RASA3: variants seen among roughly 807,000 people sequenced by gnomAD.
The protein encoded by RASA3 is RAS p21 protein activator 3, also known as ras GTPase-activating protein 3.
RASA3 carries 73 observed loss-of-function variants against 110.0 expected under a neutral mutation model. The observed-to-expected ratio is 0.66, with a 90% CI of 0.55 to 0.81. RASA3 has a LOEUF of 0.81. Among genes scored for constraint, RASA3 ranks in the 30% least tolerant of loss-of-function variants. The probability of loss-of-function intolerance (pLI) is 0.00; values close to 1 mark genes in which losing one functional copy is unlikely to be tolerated. For missense variants in RASA3, 976 were observed against 1,113.2 expected (o/e 0.88, Z 1.75); for synonymous variants, 500 against 451.4 (o/e 1.11, Z -1.37).
intron 3 of RASA3, among the ~76,000 whole-genome samples, chr13:114,043,198 C>CT (rs2054452659): frequency 6.6e-6 from 1 of 152,166 alleles, no homozygotes; most frequent in South Asian, 2.1e-4. Context: ...AGCGCAAGGT[C>CT]GGCCACATGA....
chr13:114,082,854 G>T (rs1455197132), intron 1 of RASA3, among the ~76,000 whole-genome samples: 1 of 152,212 alleles, frequency 6.6e-6, no homozygotes, highest in South Asian at 2.1e-4. Flanking sequence ...TAGTGTAAAA[G>T]ATGTGTAGCA....
At chr13:113,988,790 C>T (rs1266827679) in intron 22 of RASA3, among the ~76,000 whole-genome samples, 2 of 129,748 alleles carry the variant, frequency 1.5e-5, no homozygotes, top group African/African-American at 3.0e-5. Context: ...CACCCATCTG[C>T]CCATCCACCC....
chr13:114,004,887 G>A (rs1475032475), intron 18 of RASA3, among the ~76,000 whole-genome samples: 3 of 152,148 alleles, frequency 2.0e-5, no homozygotes, highest in Non-Finnish European at 2.9e-5. Flanking sequence ...ACCAACGGAC[G>A]ACTGGATAAA....
chr13:114,005,351 T>C (rs1356928251), intron 18 of RASA3, among the ~76,000 whole-genome samples: 2 of 150,950 alleles, frequency 1.3e-5, no homozygotes, highest in African/African-American at 4.9e-5. Context: ...CGGGCAGACG[T>C]GTCAGTTATG....
chr13:114,089,641 C>A (rs993030822), intron 1 of RASA3, among the ~76,000 whole-genome samples: 11 of 152,218 alleles, frequency 7.2e-5, no homozygotes, highest in Non-Finnish European at 1.3e-4. Context: ...GCACGGCCGC[C>A]CCACAGCCTG....
At chr13:113,998,898 G>T (rs1031900474) in intron 20 of RASA3, among the ~76,000 whole-genome samples, 1 of 152,272 alleles carries the variant, frequency 6.6e-6, no homozygotes, top group Non-Finnish European at 1.5e-5. Flanking sequence ...GGACTGGACA[G>T]CGGCAAACTC....
rs2052854437 is a variant in RASA3, at chr13:113,979,401, CTT to C, written c.2449_2450del (p.Lys817GlufsTer93). ...YGSQEHPIGD[K>X]SFQNYIRQQS... ...GCTGCCGGATGTAGTTCTGGAAGCTCTTGTCTCCGATGGGGTGCTCCCTGAAA... is the reference window on the plus strand; with the variant it reads ...GCTGCCGGATGTAGTTCTGGAAGCTCGTCTCCGATGGGGTGCTCCCTGAAA... On this transcript the variant is annotated frameshift_variant, in exon 24 of 24. Transcript: ENST00000334062. LOFTEE classifies it high-confidence loss of function. The C allele has an allele frequency of 6.2e-7, 1 of 1,604,862 alleles. No individual in the cohort carries two copies. The highest frequency in any genetic ancestry group is 8.5e-7 in the Non-Finnish European group (1 of 1,171,890).
In RASA3 at chr13:114,125,584, C is replaced by T. The variant is rs147368317; in HGVS notation, c.55+6851G>A. ...TCCCACCAGGCCCCACTTCCAACGA[C>T]GGGGTGACAGTTCGACAGGAGATTG... On this transcript the variant is annotated intron_variant, in intron 1 of 23. Transcript: ENST00000334062. Among the ~76,000 whole-genome samples, 961 of 152,280 alleles carry T rather than the reference C, an allele frequency of 6.3e-3. 8 individuals are homozygous for T. The highest frequency in any genetic ancestry group is 9.8e-3 in the Non-Finnish European group (666 of 68,012).
In RASA3 at chr13:114,067,124, G is replaced by A. The variant is rs548581023; in HGVS notation, c.173+6596C>T. Among the ~76,000 whole-genome samples, 4 of 150,882 alleles carry A rather than the reference G, an allele frequency of 2.7e-5. No individual in the cohort carries two copies. In the South Asian group the frequency reaches 8.4e-4, roughly 32 times the overall value. On this transcript the variant is annotated intron_variant, in intron 2 of 23. Transcript: ENST00000334062. Reference sequence around the variant, plus strand: ...CCCCCAGCTGGGGCACTCTGGGGCTGAGGACGGGCCCCCCACCTGGGGCAC... The same window carrying A: ...CCCCCAGCTGGGGCACTCTGGGGCTAAGGACGGGCCCCCCACCTGGGGCAC...
In RASA3 at chr13:114,001,372, GCGGCCGCGGGCTCGGGGT is replaced by G. The variant is rs1566461944; in HGVS notation, c.1743-458_1743-441del. Reference sequence around the variant, plus strand: ...GACGCCCACACAACATGGAGGACCCGCGGCCGCGGGCTCGGGGTCAGGGCGGGCAGTGGACGCTCACAC... The same window carrying G: ...GACGCCCACACAACATGGAGGACCCGCAGGGCGGGCAGTGGACGCTCACAC... On this transcript the variant is annotated intron_variant, in intron 18 of 23. Transcript: ENST00000334062. Among the ~76,000 whole-genome samples, 46 of 138,512 alleles carry G rather than the reference GCGGCCGCGGGCTCGGGGT, an allele frequency of 3.3e-4. 1 individual carries two copies. The highest frequency in any genetic ancestry group is 4.2e-3 in the Middle Eastern group (1 of 238). 90.9% of individuals were successfully genotyped at this position (138,512 alleles called of 152,430 possible). A position where few individuals can be genotyped will look rare whatever the true frequency, so the allele number is the denominator to read the frequency against.
chr13:114,105,736 G>GGC (rs1566577964), intron 1 of RASA3, among the ~76,000 whole-genome samples: 12 of 152,248 alleles, frequency 7.9e-5, no homozygotes, highest in Non-Finnish European at 1.5e-4. Context: ...CAGCCCGTCC[G>GGC]TTGTCCTGAC....
Position 114,027,432 on chromosome 13 carries a change from C to T in RASA3, c.560G>A (p.Arg187Lys), listed in dbSNP as rs760640859. ...RSEAKKTKVK[R>K]KTNNPQFDEV... ...ATCGAACTGGGGATTGTTGGTCTTCCTCTTCACTTTCGTCTTCTTTGCTTC... is the reference window on the plus strand; with the variant it reads ...ATCGAACTGGGGATTGTTGGTCTTCTTCTTCACTTTCGTCTTCTTTGCTTC... The change falls in exon 7 of 24, where the codon AGG becomes AAG. Residue 187 changes from arginine (R) to lysine (K), a missense_variant. By Grantham distance (26) the Arg-to-Lys change is conservative. Transcript: ENST00000334062. The T allele has an allele frequency of 2.5e-6, 4 of 1,613,336 alleles. No individual in the cohort carries two copies. In the Admixed American group the frequency reaches 6.7e-5, roughly 27 times the overall value.
chr13:114,082,936 CA>C (rs2079806239), intron 1 of RASA3, among the ~76,000 whole-genome samples: 2 of 152,236 alleles, frequency 1.3e-5, no homozygotes, highest in African/African-American at 4.8e-5. Flanking sequence ...ATTCTCACAG[CA>C]AACTCTTGTC....
At chr13:114,118,118 A>G (rs1412605800) in intron 1 of RASA3, among the ~76,000 whole-genome samples, 1 of 152,064 alleles carries the variant, frequency 6.6e-6, no homozygotes, top group Non-Finnish European at 1.5e-5. Flanking sequence ...TCTCATTATG[A>G]GTCTCATAAA....
At position 114,114,304 on chromosome 13, in the gene RASA3, C is replaced by A. The variant is rs2080252670; in HGVS notation, c.55+18131G>T. Reference sequence around the variant, plus strand: ...CGAATTTCCTCCTGTCACACGCTAACTTTCTGTTCTGGATTTCCTGGGGTT... The same window carrying A: ...CGAATTTCCTCCTGTCACACGCTAAATTTCTGTTCTGGATTTCCTGGGGTT... On this transcript the variant is annotated intron_variant, in intron 1 of 23. Transcript: ENST00000334062. This position sits in a 1 kb window ranked among gnomAD's most constrained non-coding sequence, Gnocchi z 4.8. Among the ~76,000 whole-genome samples the A allele has an allele frequency of 6.6e-6, 1 of 152,248 alleles. No individual in the cohort carries two copies. The highest frequency in any genetic ancestry group is 2.4e-5 in the African/African-American group (1 of 41,470).
At chr13:114,047,078 A>G (rs2079064935) in intron 3 of RASA3, among the ~76,000 whole-genome samples, 2 of 152,250 alleles carry the variant, frequency 1.3e-5, no homozygotes, top group African/African-American at 4.8e-5. Context: ...AAACTGGACC[A>G]TCGAAATTAA....
At chr13:114,016,175 T>C (rs564968185) in intron 13 of RASA3, 22 bp downstream of exon 13, 2 of 1,549,564 alleles carry the variant, frequency 1.3e-6, no homozygotes, top group African/African-American at 1.4e-5. Context: ...CTGGCTTTGG[T>C]TGGTTCATGA....
In RASA3 at chr13:114,047,274, G is replaced by C. The variant is rs371654304; in HGVS notation, c.277+4778C>G. Among the ~76,000 whole-genome samples the C allele has an allele frequency of 2.8e-4, 43 of 152,298 alleles. No individual in the cohort carries two copies. In the East Asian group the frequency reaches 4.6e-3, roughly 16 times the overall value. ...TGAACAATGTACTAAAGAAGGAATG[G>C]AGCTGTCACTAAGCCCAAGAAAAGG... On this transcript the variant is annotated intron_variant, in intron 3 of 23. Transcript: ENST00000334062.
chr13:114,130,943 G>A (rs181600995), intron 1 of RASA3, among the ~76,000 whole-genome samples: 3 of 152,376 alleles, frequency 2.0e-5, no homozygotes, highest in African/African-American at 7.2e-5. Context: ...CCCACGGGCC[G>A]CGACCTTTCC....
Sources: gnomAD v4.1 joint callset for allele counts (sites outside exome capture counted in the v4.1 genomes callset) on GRCh38, gnomAD v4.1.1 for gene constraint, Gnocchi (gnomAD v3.1) non-coding constraint, MANE v1.5 for transcripts, NCBI Gene and HGNC (gene_info 2026-07-23, HGNC 2026-07-21) for gene names.